The following KPNA6 variants were observed in gnomAD, a reference collection of about 807,000 sequenced individuals.
The protein encoded by KPNA6 is importin subunit alpha-7.
KPNA6 carries 9 observed loss-of-function variants against 72.0 expected under a neutral mutation model. That is an observed-to-expected ratio of 0.13 (90% CI 0.08 to 0.22). KPNA6 has a LOEUF of 0.22. Ranked by LOEUF, KPNA6 falls within the 10% of genes least tolerant of loss-of-function variation. The pLI is 1.00. For synonymous variants in KPNA6, 219 were observed against 242.1 expected (o/e 0.90, Z 0.89); for missense variants, 374 against 655.7 (o/e 0.57, Z 4.69).
chr1:32,111,225 T>C (rs1464275198), intron 1 of KPNA6, among the ~76,000 whole-genome samples: 1 of 152,220 alleles, frequency 6.6e-6, no homozygotes, highest in African/African-American at 2.4e-5. Context: ...GTTTTATAGA[T>C]TGGGAAACTG....
chr1:32,143,614 A>G (rs1018318155), intron 1 of KPNA6, among the ~76,000 whole-genome samples: 7 of 151,928 alleles, frequency 4.6e-5, no homozygotes, highest in Non-Finnish European at 8.8e-5. Context: ...ATTAGTGATA[A>G]AATATATGTA....
At chr1:32,136,818 A>C (rs1570024015) in intron 1 of KPNA6, among the ~76,000 whole-genome samples, 1 of 152,210 alleles carries the variant, frequency 6.6e-6, no homozygotes, top group Non-Finnish European at 1.5e-5. Context: ...TTTGGAGTGA[A>C]GATATGGTTA....
Position 32,174,697 on chromosome 1 carries a change from T to A in KPNA6, c.*3803T>A, listed in dbSNP as rs998143598. 3.9e-5 allele frequency: 6 copies of A among 152,204 alleles called. No individual in the cohort carries two copies. The highest frequency in any genetic ancestry group is 1.4e-4 in the African/African-American group (6 of 41,456). 9.4% of individuals were successfully genotyped at this position (152,204 alleles called of 1,614,324 possible). ...AGGGAGCCAATTTCCCCCAGGTCCC[T>A]GCAGGTAATCCAGGGACCCCATAGG... On this transcript the variant is annotated 3_prime_UTR_variant, in exon 14 of 14. Transcript: ENST00000373625.
chr1:32,164,877 TA>T lies in KPNA6; in HGVS notation c.991-1218del, dbSNP rs910306998. 1.2e-4 allele frequency among the ~76,000 whole-genome samples: 18 copies of T among 148,878 alleles called. 1 individual carries two copies. In the South Asian group the frequency reaches 1.5e-3, roughly 12 times the overall value. ...TTTTATCTTTTAACTTTGGTGTCTTTAAAAAAAAAACTTTTAACTTATTTAA... is the reference window on the plus strand; with the variant it reads ...TTTTATCTTTTAACTTTGGTGTCTTTAAAAAAAAACTTTTAACTTATTTAA... On this transcript the variant is annotated intron_variant, in intron 10 of 13. Transcript: ENST00000373625.
chr1:32,135,727 C>T (rs573068355), intron 1 of KPNA6, among the ~76,000 whole-genome samples: 2 of 151,418 alleles, frequency 1.3e-5, no homozygotes, highest in South Asian at 2.1e-4. Flanking sequence ...CTCAGCCTCC[C>T]GAAGTGCTGG....
At chr1:32,160,587 G>C in intron 6 of KPNA6, 28 bp from the exon 7 acceptor site, 1 of 1,578,358 alleles carries the variant, frequency 6.3e-7, no homozygotes, top group Non-Finnish European at 8.7e-7. Context: ...AAGCTTTGTG[G>C]GTGACAGTTT....
intron 1 of KPNA6, among the ~76,000 whole-genome samples, chr1:32,110,880 C>T (rs1050304438): frequency 2.6e-5 from 4 of 152,114 alleles, no homozygotes; most frequent in African/African-American, 7.2e-5. Context: ...AGCTAGACTC[C>T]CTCTCAAAAA....
At chr1:32,135,170 T>C (rs1641712056) in intron 1 of KPNA6, among the ~76,000 whole-genome samples, 1 of 152,092 alleles carries the variant, frequency 6.6e-6, no homozygotes, top group Admixed American at 6.6e-5. Context: ...CGGGTTCAAG[T>C]GATTCTCCTG....
chr1:32,162,006 A>T lies in KPNA6; in HGVS notation c.707A>T (p.Asn236Ile). 1 of 1,614,096 alleles carries T rather than the reference A, an allele frequency of 6.2e-7. No homozygotes were observed. The change falls in exon 8 of 14, where the codon AAT (asparagine) becomes ATT (isoleucine). Residue 236 changes from asparagine (N) to isoleucine (I), a missense_variant. By Grantham distance (149) the Asn-to-Ile change is moderately radical. This residue lies in a region of KPNA6 where 298 missense variants were observed against 495.4 expected (regional missense o/e 0.60). Coordinates refer to ENST00000373625, the MANE Select transcript of KPNA6 (RefSeq NM_012316.5). Reference sequence around the variant, plus strand: ...CGGAATGCAGTCTGGGCCCTGTCAAATCTCTGCCGAGGGAAAAACCCACCC... The same window carrying T: ...CGGAATGCAGTCTGGGCCCTGTCAATTCTCTGCCGAGGGAAAAACCCACCC... Reference protein sequence around the residue: ...MTRNAVWALSNLCRGKNPPPE... With the variant: ...MTRNAVWALSILCRGKNPPPE...
intron 11 of KPNA6, among the ~76,000 whole-genome samples, chr1:32,166,647 G>A (rs1186280793): frequency 7.3e-6 from 1 of 136,058 alleles, no homozygotes; most frequent in African/African-American, 2.8e-5. Flanking sequence ...AAAAAAAGAG[G>A]GGCTGGGCAT....
In KPNA6 at chr1:32,173,216, G is replaced by A. The variant is rs1009878301; in HGVS notation, c.*2322G>A. On this transcript the variant is annotated 3_prime_UTR_variant, in exon 14 of 14. Transcript: ENST00000373625. ...AAAAGCCTTCCCCTACCCAACCTCC[G>A]CCCATTGTTCTCTTCCAAAGGGCAA... is the stretch of plus-strand genomic sequence containing the variant. The A allele has an allele frequency of 3.7e-5, 13 of 351,058 alleles. 1 individual carries two copies. Among genetic ancestry groups the A allele is most frequent in the South Asian group, 3.3e-4 (2 of 6,124 alleles). The allele number at this position is 351,058 out of a possible 1,614,324, so 21.7% of individuals were successfully genotyped here. A position where few individuals can be genotyped will look rare whatever the true frequency, so the allele number is the denominator to read the frequency against.
At chr1:32,163,165 C>A in intron 9 of KPNA6, 70 bp from the exon 10 acceptor site, 2 of 988,226 alleles carry the variant, frequency 2.0e-6, no homozygotes, top group Non-Finnish European at 3.2e-6. Context: ...CAGGCTCAGA[C>A]TAAAGAGAGA....
At chr1:32,132,696 G>A (rs1641659763) in intron 1 of KPNA6, among the ~76,000 whole-genome samples, 2 of 152,158 alleles carry the variant, frequency 1.3e-5, no homozygotes, top group Admixed American at 1.3e-4. Flanking sequence ...AAGGTCAGGA[G>A]ATCGAGACCA....
At chr1:32,108,930 C>G (rs1641195859) in intron 1 of KPNA6, among the ~76,000 whole-genome samples, 1 of 152,214 alleles carries the variant, frequency 6.6e-6, no homozygotes, top group Non-Finnish European at 1.5e-5. Context: ...ACAGAACCAA[C>G]AGTGGTAATT....
chr1:32,111,813 C>A (rs1376272865), intron 1 of KPNA6, among the ~76,000 whole-genome samples: 3 of 152,162 alleles, frequency 2.0e-5, no homozygotes, highest in African/African-American at 7.2e-5. Flanking sequence ...CCTTAACAGA[C>A]CTTTGCAGTG....
chr1:32,160,748 C>T lies in KPNA6; in HGVS notation c.647+45C>T, dbSNP rs368776674. ...TGTACCTGGGCGTCTACTGGGTGGC[C>T]ACGTGGCAGGTCATTTGGGGGCAGC... On this transcript the variant is annotated intron_variant, in intron 7 of 13. Transcript: ENST00000373625. The T allele has an allele frequency of 1.3e-4, 188 of 1,436,430 alleles. 1 individual carries two copies. In the African/African-American group the frequency reaches 2.4e-3, roughly 18 times the overall value. 89.0% of individuals were successfully genotyped at this position (1,436,430 alleles called of 1,614,324 possible).
chr1:32,116,299 C>T (rs111334408), intron 1 of KPNA6, among the ~76,000 whole-genome samples: 8 of 150,708 alleles, frequency 5.3e-5, no homozygotes, highest in African/African-American at 1.9e-4. Flanking sequence ...TCCTGAGTAG[C>T]GCCCGGCCGG....
At chr1:32,119,987 C>T (rs1641404118) in intron 1 of KPNA6, among the ~76,000 whole-genome samples, 1 of 151,994 alleles carries the variant, frequency 6.6e-6, no homozygotes, top group African/African-American at 2.4e-5. Context: ...TCACCTGCCT[C>T]AGCCTCCCAA....
At chr1:32,119,015 TATATATA>T (rs1641380264) in intron 1 of KPNA6, among the ~76,000 whole-genome samples, 18 of 73,550 alleles carry the variant, frequency 2.4e-4, no homozygotes, top group East Asian at 7.4e-4. Flanking sequence ...TATATATATA[TATATATA>T]TATATATATA....
Sources: allele counts gnomAD v4.1 joint callset (sites outside exome capture counted in the v4.1 genomes callset), GRCh38; gene constraint gnomAD v4.1.1; regional missense constraint gnomAD v4.1.1; transcripts MANE v1.5; gene names NCBI Gene and HGNC (gene_info 2026-07-23, HGNC 2026-07-21).